The following RPSA2 variants were observed in gnomAD, a reference collection of about 807,000 sequenced individuals.
The protein encoded by RPSA2 is ribosomal protein SA 2, also known as small ribosomal subunit protein uS2B.
the RPSA2 span, among the ~76,000 whole-genome samples, chr19:23,763,725 C>A: frequency 2.0e-5 from 3 of 152,138 alleles, no homozygotes; most frequent in East Asian, 1.9e-4. Flanking sequence ...CCTTGGCCCC[C>A]CAAAGTGCTA....
At chr19:23,870,457 G>A in the RPSA2 span, among the ~76,000 whole-genome samples, 2 of 152,068 alleles carry the variant, frequency 1.3e-5, no homozygotes, top group Non-Finnish European at 2.9e-5. Flanking sequence ...GAGTATCCAT[G>A]GGACCTTGTA....
the RPSA2 span, among the ~76,000 whole-genome samples, chr19:23,852,317 C>A: frequency 1.4e-5 from 2 of 144,312 alleles, no homozygotes; most frequent in East Asian, 4.2e-4. Flanking sequence ...TGGGGAGACC[C>A]TAACCCAGCG....
chr19:23,839,334 G>A, the RPSA2 span, among the ~76,000 whole-genome samples: 1 of 151,994 alleles, frequency 6.6e-6, no homozygotes, highest in Non-Finnish European at 1.5e-5. Context: ...TAAATTTATT[G>A]AGGCGCGTTA....
At chr19:23,804,316 G>T in the RPSA2 span, among the ~76,000 whole-genome samples, 1 of 5,930 alleles carries the variant, frequency 1.7e-4, no homozygotes, top group African/African-American at 1.8e-4. Flanking sequence ...TTTCTTTTTG[G>T]AGACGAGTCT....
chr19:23,803,009 G>A, the RPSA2 span, among the ~76,000 whole-genome samples: 6 of 151,594 alleles, frequency 4.0e-5, no homozygotes, highest in Non-Finnish European at 8.8e-5. Flanking sequence ...TAAGAGATTT[G>A]TTAAATTGCT....
chr19:23,827,605 T>C, the RPSA2 span: 1 of 1,591,632 alleles, frequency 6.3e-7, no homozygotes, highest in Non-Finnish European at 8.5e-7. Flanking sequence ...TTGCGCTGTG[T>C]AACACAGATT....
the RPSA2 span, among the ~76,000 whole-genome samples, chr19:23,785,560 G>C: frequency 6.6e-6 from 1 of 152,120 alleles, no homozygotes; most frequent in South Asian, 2.1e-4. Flanking sequence ...CAGCACCTAG[G>C]TGATGTCATT....
the RPSA2 span, among the ~76,000 whole-genome samples, chr19:23,769,551 C>T: frequency 6.6e-6 from 1 of 152,172 alleles, no homozygotes; most frequent in South Asian, 2.1e-4. Flanking sequence ...ACCATGTTGG[C>T]CAGGCTGGTC....
chr19:23,815,085 A>C, the RPSA2 span, among the ~76,000 whole-genome samples: 2 of 152,170 alleles, frequency 1.3e-5, no homozygotes. Flanking sequence ...ACTCCAAGTG[A>C]TCCTCCTACC....
the RPSA2 span, among the ~76,000 whole-genome samples, chr19:23,765,410 C>G: frequency 2.8e-3 from 426 of 151,982 alleles, 2 homozygotes; most frequent in African/African-American, 0.01. Flanking sequence ...CAGTGATAGA[C>G]TGGATAAAGA....
the RPSA2 span, among the ~76,000 whole-genome samples, chr19:23,765,185 G>A: frequency 2.6e-5 from 4 of 152,336 alleles, no homozygotes; most frequent in East Asian, 7.7e-4. Flanking sequence ...CTTCTACACT[G>A]TTGGTGGGAG....
the RPSA2 span, among the ~76,000 whole-genome samples, chr19:23,854,834 A>G: frequency 6.6e-6 from 1 of 152,178 alleles, no homozygotes; most frequent in African/African-American, 2.4e-5. Flanking sequence ...CTCTGATCTA[A>G]TGCCTTCACA....
chr19:23,840,152 T>G, the RPSA2 span, among the ~76,000 whole-genome samples: 1 of 152,240 alleles, frequency 6.6e-6, no homozygotes, highest in African/African-American at 2.4e-5. Context: ...GTGTCCACAT[T>G]TTCTTCTAGA....
At chr19:23,865,302 T>A in the RPSA2 span, among the ~76,000 whole-genome samples, 2 of 152,190 alleles carry the variant, frequency 1.3e-5, no homozygotes, top group Admixed American at 6.5e-5. Context: ...ACAGTCTGGA[T>A]CTCAAGTTAA....
chr19:23,789,908 C>T, the RPSA2 span, among the ~76,000 whole-genome samples: 2 of 152,042 alleles, frequency 1.3e-5, no homozygotes, highest in African/African-American at 4.8e-5. Context: ...GAACTCCTGA[C>T]CTCAGGTGAT....
chr19:23,813,232 C>CAAAAA, the RPSA2 span, among the ~76,000 whole-genome samples: 48 of 120,896 alleles, frequency 4.0e-4, 3 homozygotes, highest in Non-Finnish European at 6.5e-4. Context: ...GACCCTGTCT[C>CAAAAA]AAAAAAAAAA....
chr19:23,812,474 C>T, the RPSA2 span, among the ~76,000 whole-genome samples: 1 of 145,186 alleles, frequency 6.9e-6, no homozygotes, highest in South Asian at 2.1e-4. Context: ...CGGCTCACTG[C>T]AACCTCTGCC....
At chr19:23,788,484 C>T in the RPSA2 span, among the ~76,000 whole-genome samples, 2 of 152,100 alleles carry the variant, frequency 1.3e-5, no homozygotes, top group Admixed American at 1.3e-4. Flanking sequence ...ACTCTTTTCT[C>T]TTGTCTGGGC....
the RPSA2 span, among the ~76,000 whole-genome samples, chr19:23,760,467 G>A: frequency 6.6e-6 from 1 of 151,914 alleles, no homozygotes; most frequent in Admixed American, 6.6e-5. Context: ...TCCTTCTGCT[G>A]TCTTTGTGCA....
Sources: gnomAD v4.1 joint callset for allele counts (sites outside exome capture counted in the v4.1 genomes callset) on GRCh38, gnomAD v4.1.1 for gene constraint, MANE v1.5 for transcripts, NCBI Gene and HGNC (gene_info 2026-07-23, HGNC 2026-07-21) for gene names.